Variants in FOXP1 observed in about 807,000 individuals in gnomAD.
FOXP1 encodes forkhead box P1.
Under a neutral mutation model 98.2 loss-of-function variants are expected in FOXP1, and 15 were observed. The ratio of observed to expected loss-of-function variants is 0.15; its 90% CI spans 0.10 to 0.24. FOXP1 has a LOEUF of 0.24. Among genes scored for constraint, FOXP1 ranks in the 10% least tolerant of loss-of-function variants. The pLI is 1.00. For synonymous variants in FOXP1, 371 were observed against 314.5 expected, an observed-to-expected ratio of 1.18 and a Z score of -1.90; for missense variants, 633 against 848.5, an observed-to-expected ratio of 0.75 and a Z score of 3.15.
At chr3:71,355,293 G>A (rs2078076026) in intron 4 of FOXP1, among the ~76,000 whole-genome samples, 1 of 152,202 alleles carries the variant, frequency 6.6e-6, no homozygotes, top group Admixed American at 6.5e-5. Context: ...GCTAGCCATG[G>A]AGAAGCCACA....
intron 3 of FOXP1, among the ~76,000 whole-genome samples, chr3:71,375,824 C>T (rs545335861): frequency 6.6e-6 from 1 of 152,304 alleles, no homozygotes; most frequent in African/African-American, 2.4e-5. Flanking sequence ...AGGAAACGGA[C>T]TTGGTAAAAG....
At chr3:71,564,624 T>G (rs1225183577) in intron 2 of FOXP1, among the ~76,000 whole-genome samples, 3 of 152,262 alleles carry the variant, frequency 2.0e-5, no homozygotes, top group Non-Finnish European at 4.4e-5. Context: ...TGGATGAGGA[T>G]TTGGTTACAC....
At chr3:71,043,431 C>T (rs1362902519) in intron 10 of FOXP1, among the ~76,000 whole-genome samples, 2 of 152,090 alleles carry the variant, frequency 1.3e-5, no homozygotes, top group African/African-American at 4.8e-5. Context: ...TATTATTTTC[C>T]AACACCTTTC....
chr3:71,046,180 C>A (rs1479016012), intron 10 of FOXP1, among the ~76,000 whole-genome samples: 1 of 152,102 alleles, frequency 6.6e-6, no homozygotes, highest in Admixed American at 6.5e-5. Flanking sequence ...ATGTGAAAGT[C>A]AGAGTTGCTT....
intron 11 of FOXP1, among the ~76,000 whole-genome samples, chr3:71,030,397 A>T (rs1310671299): frequency 6.6e-6 from 1 of 152,326 alleles, no homozygotes. Context: ...GGCCACCTAC[A>T]GGCTTTGCCA....
chr3:71,185,400 C>T (rs999530880), intron 6 of FOXP1, among the ~76,000 whole-genome samples: 30 of 152,272 alleles, frequency 2.0e-4, no homozygotes, highest in African/African-American at 7.0e-4. Flanking sequence ...CAAATGCCTT[C>T]GAATTTGGCA....
At chr3:71,150,826 G>A (rs1044998595) in intron 6 of FOXP1, among the ~76,000 whole-genome samples, 12 of 152,020 alleles carry the variant, frequency 7.9e-5, no homozygotes, top group Admixed American at 7.2e-4. Flanking sequence ...GTGGCATGGC[G>A]GTGTTTTGTT....
intron 7 of FOXP1, among the ~76,000 whole-genome samples, chr3:71,071,202 G>A (rs1180548526): frequency 1.3e-5 from 2 of 152,178 alleles, no homozygotes; most frequent in Non-Finnish European, 2.9e-5. Context: ...GTGGGGAGCG[G>A]GTGGGAGAGG....
intron 5 of FOXP1, chr3:71,276,238 G>C (rs1370537610): frequency 6.6e-6 from 1 of 152,174 alleles, no homozygotes; most frequent in Non-Finnish European, 1.5e-5. Context: ...CTTCAGTAAT[G>C]ATGTTTTCTG....
chr3:71,009,026 C>A (rs760642990), intron 12 of FOXP1, among the ~76,000 whole-genome samples: 1 of 151,764 alleles, frequency 6.6e-6, no homozygotes, highest in Non-Finnish European at 1.5e-5. Context: ...TCTGGAGCTG[C>A]AGAAGACCAG....
chr3:71,198,516 T>C (rs2063453735), intron 5 of FOXP1, 124 bp from the exon 6 acceptor site: 19 of 845,084 alleles, frequency 2.2e-5, no homozygotes, highest in Non-Finnish European at 3.2e-5. Context: ...CTGTAAACAG[T>C]TGTCATTTTC....
At chr3:71,281,237 AT>A (rs150392116) in intron 5 of FOXP1, among the ~76,000 whole-genome samples, 46,352 of 138,036 alleles carry the variant, frequency 0.34, 7,337 homozygotes, top group African/African-American at 0.43. Context: ...CAAGATAAAA[AT>A]TTTAAAAAAA....
At chr3:71,152,065 T>A (rs560275710) in intron 6 of FOXP1, among the ~76,000 whole-genome samples, 1 of 152,330 alleles carries the variant, frequency 6.6e-6, no homozygotes, top group Admixed American at 6.5e-5. Flanking sequence ...AAAGAGAGCT[T>A]TTCCTCTGTG....
At chr3:71,284,158 G>A (rs1180742370) in intron 5 of FOXP1, among the ~76,000 whole-genome samples, 1 of 152,148 alleles carries the variant, frequency 6.6e-6, no homozygotes, top group African/African-American at 2.4e-5. Context: ...ATCCAGTACT[G>A]ATAGGATGAG....
At chr3:71,306,152 C>T (rs1330191514) in intron 4 of FOXP1, 2 of 152,190 alleles carry the variant, frequency 1.3e-5, no homozygotes, top group South Asian at 2.1e-4. Flanking sequence ...ATCAGACGCC[C>T]GCTGTGCCTT....
At chr3:71,386,200 T>G (rs2080558710) in intron 3 of FOXP1, among the ~76,000 whole-genome samples, 1 of 152,200 alleles carries the variant, frequency 6.6e-6, no homozygotes, top group Non-Finnish European at 1.5e-5. Flanking sequence ...TCCTCCTATC[T>G]GGGCTCCTCA....
intron 2 of FOXP1, among the ~76,000 whole-genome samples, chr3:71,562,471 C>T (rs1271975219): frequency 6.6e-6 from 1 of 152,138 alleles, no homozygotes; most frequent in Admixed American, 6.5e-5. Flanking sequence ...ATCTACTGAA[C>T]TATGTGTTGG....
intron 3 of FOXP1, among the ~76,000 whole-genome samples, chr3:71,384,294 A>C (rs2080404421): frequency 6.6e-6 from 1 of 152,190 alleles, no homozygotes; most frequent in South Asian, 2.1e-4. Context: ...CTCTGATGCA[A>C]ACTTCCTCCA....
At chr3:71,293,182 T>C (rs1034753995) in intron 5 of FOXP1, among the ~76,000 whole-genome samples, 1 of 152,238 alleles carries the variant, frequency 6.6e-6, no homozygotes, top group Non-Finnish European at 1.5e-5. Flanking sequence ...AAGGCTCTAT[T>C]TCCTACATCT....
Sources: allele counts gnomAD v4.1 joint callset (sites outside exome capture counted in the v4.1 genomes callset), GRCh38; gene constraint gnomAD v4.1.1; transcripts MANE v1.5; gene names NCBI Gene and HGNC (gene_info 2026-07-23, HGNC 2026-07-21).